TGOLN2: variants seen among roughly 807,000 people sequenced by gnomAD.
The protein encoded by TGOLN2 is trans-Golgi network integral membrane protein 2.
In TGOLN2, 19 loss-of-function variants were observed where a neutral mutation model predicts 31.3. That is an observed-to-expected ratio of 0.61 (90% CI 0.42 to 0.89). The LOEUF is 0.89. Among genes scored for constraint, TGOLN2 ranks in the 40% least tolerant of loss-of-function variants. TGOLN2 has a pLI of 0.00. For synonymous variants in TGOLN2, 222 were observed against 226.7 expected (o/e 0.98, Z 0.19); for missense variants, 540 against 559.2 (o/e 0.97, Z 0.35).
Position 85,321,030 on chromosome 2 carries a change from A to G in TGOLN2, c.*1706T>C, listed in dbSNP as rs1333363934. The G allele has an allele frequency of 2.6e-5, 4 of 152,268 alleles. No individual in the cohort carries two copies. Among genetic ancestry groups the G allele is most frequent in the Non-Finnish European group, 5.9e-5 (4 of 68,058 alleles). 9.4% of individuals were successfully genotyped at this position (152,268 alleles called of 1,614,324 possible). On this transcript the variant is annotated 3_prime_UTR_variant, in exon 4 of 4. Transcript: ENST00000377386. Reference sequence around the variant, plus strand: ...CAGCGGGATGAATAACAAATAGGACAGATGGGAACAGAAAAATCTGGGTGC... The same window carrying G: ...CAGCGGGATGAATAACAAATAGGACGGATGGGAACAGAAAAATCTGGGTGC...
rs1024071772 is a variant in TGOLN2, at chr2:85,319,277, A to C, written c.*3459T>G. Reference sequence around the variant, plus strand: ...ACTGCAACCTCCGCCTCCCGGATTCAAGCAATTCTCCTGCCTCAGCCTATC... The same window carrying C: ...ACTGCAACCTCCGCCTCCCGGATTCCAGCAATTCTCCTGCCTCAGCCTATC... On this transcript the variant is annotated 3_prime_UTR_variant, in exon 4 of 4. Coordinates refer to ENST00000377386, the MANE Select transcript of TGOLN2 (RefSeq NM_006464.4). 2 of 144,726 alleles carry C rather than the reference A, an allele frequency of 1.4e-5. No individual in the cohort carries two copies. The highest frequency in any genetic ancestry group is 3.0e-5 in the Non-Finnish European group (2 of 66,940). 9.0% of individuals were successfully genotyped at this position (144,726 alleles called of 1,614,324 possible).
In TGOLN2 at chr2:85,327,157, C is replaced by A. The variant is rs1216665279; in HGVS notation, c.575G>T (p.Gly192Val). The change falls in exon 2 of 4, where the codon GGC (glycine) becomes GTC (valine). Residue 192 changes from glycine to valine, a missense_variant. By Grantham distance (109) the Gly-to-Val change is moderately radical. Transcript: ENST00000377386. ...ATCCTCCGCACCCGACTTGCTGGAG[C>A]CGTCTTTTGGGGTCTGGCCGTCCGC... ...SGADGQTPKDGSSKSGAEDQT... is the reference protein window; with the variant it reads ...SGADGQTPKDVSSKSGAEDQT... 4.3e-6 allele frequency: 7 copies of A among 1,613,128 alleles called. No homozygotes were observed. Among genetic ancestry groups the A allele is most frequent in the Non-Finnish European group, 5.9e-6 (7 of 1,179,740 alleles).
intron 3 of TGOLN2, 143 bp downstream of exon 3, chr2:85,324,772 A>C (rs763249089): frequency 2.7e-6 from 2 of 730,986 alleles, no homozygotes; most frequent in South Asian, 3.1e-5. Flanking sequence ...GTTGTCTAAA[A>C]AGGGCGAATG....
In TGOLN2 at chr2:85,318,140, T is replaced by TA. The variant is rs2104401961; in HGVS notation, c.*4595dup. ...TTATGCACTGAAAAATACTTCTCAT[T>TA]AGACCACAACAAGCTTTAAAAAAAT... On this transcript the variant is annotated 3_prime_UTR_variant, in exon 4 of 4. Coordinates refer to ENST00000377386, the MANE Select transcript of TGOLN2 (RefSeq NM_006464.4). The TA allele has an allele frequency of 1.3e-5, 2 of 152,262 alleles. No individual in the cohort carries two copies. Among genetic ancestry groups the TA allele is most frequent in the South Asian group, 4.1e-4 (2 of 4,820 alleles). 9.4% of individuals were successfully genotyped at this position (152,262 alleles called of 1,614,324 possible). A position where few individuals can be genotyped will look rare whatever the true frequency, so the allele number is the denominator to read the frequency against.
rs767184776 is a variant in TGOLN2 at position 85,327,240 on chromosome 2, G to T, written c.492C>A (p.Ser164Arg). Residue 164 changes from serine to arginine, a missense_variant, in exon 2 of 4, where the codon AGC becomes AGA. Coordinates refer to ENST00000377386, the MANE Select transcript of TGOLN2 (RefSeq NM_006464.4). The stretch of plus-strand genomic sequence containing the variant: ...GCGCCTCCGAACCTGACTTGCTAGG[G>T]CTGTCTTTTTGGGTCTTTGCCTCCG... ...SGAEAKTQKDSPSKSGSEAQT... is the reference protein window; with the variant it reads ...SGAEAKTQKDRPSKSGSEAQT... The T allele has an allele frequency of 4.3e-6, 7 of 1,613,602 alleles. No individual in the cohort carries two copies. The highest frequency in any genetic ancestry group is 5.9e-6 in the Non-Finnish European group (7 of 1,179,836).
chr2:85,327,749 T>C, intron 1 of TGOLN2, 64 bp from the exon 2 acceptor site: 1 of 1,203,838 alleles, frequency 8.3e-7, no homozygotes, highest in Non-Finnish European at 1.1e-6. Flanking sequence ...TCCTCAGAAC[T>C]GGAAGAGATC....
At position 85,327,138 on chromosome 2, in the gene TGOLN2, C is replaced by T. The variant is rs750228053; in HGVS notation, c.594G>A (p.Ala198=). 6 of 1,613,712 alleles carry T rather than the reference C, an allele frequency of 3.7e-6. No homozygotes were observed. The highest frequency in any genetic ancestry group is 2.2e-5 in the East Asian group (1 of 44,860). ...TPKDGSSKSG[A]EDQTPKDVPN... is the part of the protein sequence containing the mutation. ...GGACGTCTTTTGGGGTCTGATCCTC[C>T]GCACCCGACTTGCTGGAGCCGTCTT... Residue 198 remains alanine, a synonymous_variant, in exon 2 of 4, where the codon GCG becomes GCA. Transcript: ENST00000377386.
In TGOLN2 at chr2:85,327,012, C is replaced by T. The variant is rs1453967784; in HGVS notation, c.720G>A (p.Ala240=). ...GGCTGTCTTTTGAGGTCTGCTCCTC[C>T]GCACCCGACTTGCTGGGCCCGTCTA... ...GPIDGPSKSG[A]EEQTSKDSPN... is the part of the protein sequence containing the mutation. Residue 240 remains alanine, a synonymous_variant, in exon 2 of 4, where the codon GCG becomes GCA. Transcript: ENST00000377386. 2 of 1,613,884 alleles carry T rather than the reference C, an allele frequency of 1.2e-6. No individual in the cohort carries two copies. Among genetic ancestry groups the T allele is most frequent in the Non-Finnish European group, 1.7e-6 (2 of 1,179,822 alleles).
intron 1 of TGOLN2, 96 bp from the exon 2 acceptor site, chr2:85,327,781 A>AAGGGGG: frequency 3.3e-6 from 1 of 301,260 alleles, no homozygotes; most frequent in Non-Finnish European, 5.9e-6. Flanking sequence ...GGGAATGGGG[A>AAGGGGG]TTGGGGGGTG....
chr2:85,323,744 T>G (rs1682632020), intron 3 of TGOLN2, among the ~76,000 whole-genome samples: 1 of 152,222 alleles, frequency 6.6e-6, no homozygotes, highest in African/African-American at 2.4e-5. Flanking sequence ...TCGTGTTCCC[T>G]GCAGGAAGTC....
At position 85,324,613 on chromosome 2, in the gene TGOLN2, C is replaced by G. The variant is rs1682667544; in HGVS notation, c.1308+302G>C. 6.5e-6 allele frequency: 3 copies of G among 458,762 alleles called. No homozygotes were observed. In the South Asian group the frequency reaches 1.2e-4, roughly 18 times the overall value. The allele number at this position is 458,762 out of a possible 1,614,324, so 28.4% of individuals were successfully genotyped here. On this transcript the variant is annotated intron_variant, in intron 3 of 3. Coordinates refer to ENST00000377386, the MANE Select transcript of TGOLN2 (RefSeq NM_006464.4). ...AGGTCCTGAGTTTGCCACTAACTTG[C>G]AGTAGAAACTTAGCGGAAAAAAAAA... is the stretch of plus-strand genomic sequence containing the variant.
In TGOLN2 at chr2:85,320,293, A is replaced by G. The variant is rs901526118; in HGVS notation, c.*2443T>C. 6.6e-6 allele frequency: 1 copy of G among 152,234 alleles called. No individual in the cohort carries two copies. Among genetic ancestry groups the G allele is most frequent in the African/African-American group, 2.4e-5 (1 of 41,458 alleles). The allele number at this position is 152,234 out of a possible 1,614,324, so 9.4% of individuals were successfully genotyped here. ...CCAGGGAAAATATTTTGGAAAGATCAGTCTTTCCAAGAGTGAGCTCCTTTC... is the reference window on the plus strand; with the variant it reads ...CCAGGGAAAATATTTTGGAAAGATCGGTCTTTCCAAGAGTGAGCTCCTTTC... On this transcript the variant is annotated 3_prime_UTR_variant, in exon 4 of 4. Transcript: ENST00000377386.
Position 85,326,869 on chromosome 2 carries a change from T to C in TGOLN2, c.863A>G (p.Lys288Arg). The change falls in exon 2 of 4, where the codon AAG becomes AGG. Residue 288 changes from lysine to arginine, a missense_variant. By Grantham distance (26) the Lys-to-Arg change is conservative. Coordinates refer to ENST00000377386, the MANE Select transcript of TGOLN2 (RefSeq NM_006464.4). The part of the protein sequence containing the change: ...ADTNQLADKG[K>R]LSPHAFKTES... ...GGTTTTGAAAGCATGAGGAGAAAGC[T>C]TCCCTTTGTCAGCAAGCTGGTTTGT... is the stretch of plus-strand genomic sequence containing the variant. The C allele has an allele frequency of 6.2e-7, 1 of 1,614,040 alleles. No homozygotes were observed. The highest frequency in any genetic ancestry group is 8.5e-7 in the Non-Finnish European group (1 of 1,179,900).
chr2:85,322,808 C>A, intron 3 of TGOLN2, 67 bp from the exon 4 acceptor site: 1 of 1,581,812 alleles, frequency 6.3e-7, no homozygotes, highest in Non-Finnish European at 8.5e-7. Context: ...TACTGACCCA[C>A]CACCACAGAA....
At chr2:85,322,831 TA>T in intron 3 of TGOLN2, 90 bp from the exon 4 acceptor site, 1 of 1,565,522 alleles carries the variant, frequency 6.4e-7, no homozygotes, top group Non-Finnish European at 8.6e-7. Flanking sequence ...AGCAATTAAT[TA>T]AAATAGCACA....
chr2:85,324,812 T>A, intron 3 of TGOLN2, 103 bp downstream of exon 3: 2 of 1,031,988 alleles, frequency 1.9e-6, no homozygotes, highest in Non-Finnish European at 1.5e-6. Context: ...ATCCCCAGAA[T>A]CAGCCACTGC....
chr2:85,324,687 T>C, intron 3 of TGOLN2: 1 of 550,064 alleles, frequency 1.8e-6, no homozygotes, highest in Non-Finnish European at 3.3e-6. Context: ...TGAAGGGAGG[T>C]AGCTGCTGTA....
At chr2:85,323,410 C>A (rs992487779) in intron 3 of TGOLN2, among the ~76,000 whole-genome samples, 2 of 151,932 alleles carry the variant, frequency 1.3e-5, no homozygotes, top group African/African-American at 4.8e-5. Flanking sequence ...TACTAAAAAT[C>A]TAAAAATTAG....
At position 85,321,064 on chromosome 2, in the gene TGOLN2, G is replaced by A. The variant is rs1033654091; in HGVS notation, c.*1672C>T. The A allele has an allele frequency of 1.3e-5, 2 of 152,284 alleles. No individual in the cohort carries two copies. The highest frequency in any genetic ancestry group is 4.8e-5 in the African/African-American group (2 of 41,440). The allele number at this position is 152,284 out of a possible 1,614,324, so 9.4% of individuals were successfully genotyped here. On this transcript the variant is annotated 3_prime_UTR_variant, in exon 4 of 4. Transcript: ENST00000377386. The stretch of plus-strand genomic sequence containing the variant: ...CAGAAAAATCTGGGTGCATACGAAG[G>A]TGGATGGAAAGGAGCTGGTACAGAT...
Sources: allele counts gnomAD v4.1 joint callset (sites outside exome capture counted in the v4.1 genomes callset), GRCh38; gene constraint gnomAD v4.1.1; transcripts MANE v1.5; gene names NCBI Gene and HGNC (gene_info 2026-07-23, HGNC 2026-07-21).